Variants in SLC41A1 observed in about 807,000 individuals in gnomAD.
The protein encoded by SLC41A1 is solute carrier family 41 (magnesium transporter), member 1.
SLC41A1 carries 20 observed loss-of-function variants against 47.3 expected under a neutral mutation model. The ratio of observed to expected loss-of-function variants is 0.42; its 90% CI spans 0.30 to 0.61. The LOEUF is 0.61. Ranked by LOEUF, SLC41A1 falls within the 20% of genes least tolerant of loss-of-function variation. The pLI, the probability that SLC41A1 is intolerant of heterozygous loss-of-function variation, is 0.17. For synonymous variants in SLC41A1, 282 were observed against 272.7 expected, an observed-to-expected ratio of 1.03 and a Z score of -0.34; for missense variants, 504 against 674.1, an observed-to-expected ratio of 0.75 and a Z score of 2.79.
In SLC41A1 at chr1:205,810,014, A is replaced by G; in HGVS notation, c.372+56T>C. ...GTAGAGAGGAAGTTCCAAGTTTCCC[A>G]GCAGGCAAAGGTGGCCCTGGGCTCA... is the stretch of plus-strand genomic sequence containing the variant. On this transcript the variant is annotated intron_variant, in intron 2 of 10. Coordinates refer to ENST00000367137, the MANE Select transcript of SLC41A1 (RefSeq NM_173854.6). The surrounding 1 kb of genome is among the most constrained non-coding windows in gnomAD (Gnocchi z 5.5). 1 of 1,612,008 alleles carries G rather than the reference A, an allele frequency of 6.2e-7. No individual in the cohort carries two copies. The highest frequency in any genetic ancestry group is 8.5e-7 in the Non-Finnish European group (1 of 1,179,218).
intron 10 of SLC41A1, among the ~76,000 whole-genome samples, chr1:205,793,971 C>T (rs1274938987): frequency 2.0e-5 from 3 of 152,164 alleles, no homozygotes; most frequent in Non-Finnish European, 2.9e-5. Flanking sequence ...AACTATGTGA[C>T]TATTCAAAAA....
Position 205,796,989 on chromosome 1 carries a change from A to T in SLC41A1, c.1007T>A (p.Ile336Asn). 1 of 1,613,086 alleles carries T rather than the reference A, an allele frequency of 6.2e-7. No homozygotes were observed. Among genetic ancestry groups the T allele is most frequent in the Non-Finnish European group, 8.5e-7 (1 of 1,179,688 alleles). The change falls in exon 8 of 11, where the codon ATC becomes AAC. Residue 336 changes from isoleucine (I) to asparagine (N), a missense_variant. Physicochemically the swap from Ile to Asn is moderately radical, Grantham distance 149 (BLOSUM62 -3). Coordinates refer to ENST00000367137, the MANE Select transcript of SLC41A1 (RefSeq NM_173854.6). ...GGGGTCTGAGACAGTCTTGTCCAAGATGAGGCCTCCCACACTATAGAGACA... is the reference window on the plus strand; with the variant it reads ...GGGGTCTGAGACAGTCTTGTCCAAGTTGAGGCCTCCCACACTATAGAGACA... ...AMAISSVGGL[I>N]LDKTVSDPNF... is the part of the protein sequence containing the mutation.
In SLC41A1 at chr1:205,791,852, C is replaced by G; in HGVS notation, c.1357-134G>C. ...TCCTTACTTTTTAATCTTCCTCTTT[C>G]CACCCCAGCAACCTCTCTGTGTTTC... On this transcript the variant is annotated intron_variant, in intron 10 of 10. Coordinates refer to ENST00000367137, the MANE Select transcript of SLC41A1 (RefSeq NM_173854.6). The surrounding 1 kb of genome is among the most constrained non-coding windows in gnomAD (Gnocchi z 4.0). 5 of 1,139,188 alleles carry G rather than the reference C, an allele frequency of 4.4e-6. No homozygotes were observed. Among genetic ancestry groups the G allele is most frequent in the Non-Finnish European group, 6.4e-6 (5 of 779,002 alleles). The allele number at this position is 1,139,188 out of a possible 1,614,324, so 70.6% of individuals were successfully genotyped here. A position where few individuals can be genotyped will look rare whatever the true frequency, so the allele number is the denominator to read the frequency against.
At chr1:205,811,116 A>G (rs1656144043) in intron 1 of SLC41A1, 29 bp from the exon 2 acceptor site, 1 of 154,404 alleles carries the variant, frequency 6.5e-6, no homozygotes, top group African/African-American at 2.4e-5. Context: ...AGAAAAGAAA[A>G]AGAACATTAC....
chr1:205,798,097 C>A lies in SLC41A1; in HGVS notation c.845-46G>T, dbSNP rs767051789. The stretch of plus-strand genomic sequence containing the variant: ...AGGAGATAAGCACTGTGTTTCCCTA[C>A]CCTAAGTTTCTCCCTGGCTCAGCCT... On this transcript the variant is annotated intron_variant, in intron 6 of 10. Transcript: ENST00000367137. 2.5e-6 allele frequency: 4 copies of A among 1,613,606 alleles called. No homozygotes were observed. The South Asian group carries it at 4.4e-5, about 18-fold the overall frequency.
At position 205,810,013 on chromosome 1, in the gene SLC41A1, C is replaced by A. The variant is rs1656107994; in HGVS notation, c.372+57G>T. The A allele has an allele frequency of 3.1e-6, 5 of 1,611,654 alleles. No homozygotes were observed. In the East Asian group the frequency reaches 1.1e-4, roughly 36 times the overall value. ...GGTAGAGAGGAAGTTCCAAGTTTCC[C>A]AGCAGGCAAAGGTGGCCCTGGGCTC... is the stretch of plus-strand genomic sequence containing the variant. On this transcript the variant is annotated intron_variant, in intron 2 of 10. Coordinates refer to ENST00000367137, the MANE Select transcript of SLC41A1 (RefSeq NM_173854.6). This position sits in a 1 kb window ranked among gnomAD's most constrained non-coding sequence, Gnocchi z 5.5.
rs1655605728 is a variant in SLC41A1 at position 205,790,686 on chromosome 1, A to C, written c.*847T>G. The C allele has an allele frequency of 6.6e-6, 1 of 152,262 alleles. No individual in the cohort carries two copies. The highest frequency in any genetic ancestry group is 2.1e-4 in the South Asian group (1 of 4,826). 9.4% of individuals were successfully genotyped at this position (152,262 alleles called of 1,614,324 possible). A position where few individuals can be genotyped will look rare whatever the true frequency, so the allele number is the denominator to read the frequency against. ...AAGCTCTGGGGAAGGTAGTGCTTAG[A>C]GACAATTTGAGATGAAGGTTGAAGA... On this transcript the variant is annotated 3_prime_UTR_variant, in exon 11 of 11. Coordinates refer to ENST00000367137, the MANE Select transcript of SLC41A1 (RefSeq NM_173854.6).
chr1:205,799,881 A>C, intron 3 of SLC41A1, 51 bp from the exon 4 acceptor site: 1 of 1,522,304 alleles, frequency 6.6e-7, no homozygotes, highest in Non-Finnish European at 9.1e-7. Context: ...AAAGGCCTGA[A>C]GCTCCATCCA....
At chr1:205,802,448 G>A (rs1320767509) in intron 2 of SLC41A1, among the ~76,000 whole-genome samples, 3 of 152,270 alleles carry the variant, frequency 2.0e-5, no homozygotes, top group East Asian at 1.9e-4. Context: ...CGAGCGCAGC[G>A]GCTCACACCT....
chr1:205,806,869 CTTTTTA>C (rs1465743396), intron 2 of SLC41A1, among the ~76,000 whole-genome samples: 2 of 152,150 alleles, frequency 1.3e-5, no homozygotes, highest in East Asian at 1.9e-4. Flanking sequence ...TAAAATTCAA[CTTTTTA>C]TTTTTATTTT....
At chr1:205,808,660 G>T (rs553941460) in intron 2 of SLC41A1, among the ~76,000 whole-genome samples, 4 of 152,194 alleles carry the variant, frequency 2.6e-5, no homozygotes, top group Non-Finnish European at 5.9e-5. Context: ...CCGGCCCTAG[G>T]GGGAGGAGCA....
chr1:205,807,777 C>T (rs1408122436), intron 2 of SLC41A1, among the ~76,000 whole-genome samples: 1 of 150,918 alleles, frequency 6.6e-6, no homozygotes, highest in African/African-American at 2.4e-5. Flanking sequence ...CTATCTCAGC[C>T]TCTCAAAGTG....
At chr1:205,796,812 T>C (rs1227188396) in intron 8 of SLC41A1, 112 bp downstream of exon 8, 16 of 1,059,164 alleles carry the variant, frequency 1.5e-5, no homozygotes, top group Non-Finnish European at 2.3e-5. Flanking sequence ...CTGAGCTAGA[T>C]TCTCGTCTGC....
chr1:205,808,436 C>G (rs761810646), intron 2 of SLC41A1, among the ~76,000 whole-genome samples: 1 of 152,130 alleles, frequency 6.6e-6, no homozygotes, highest in Non-Finnish European at 1.5e-5. Flanking sequence ...TACCGAAGAG[C>G]CCCCCAAATG....
chr1:205,790,980 G>A lies in SLC41A1; in HGVS notation c.*553C>T, dbSNP rs1355947038. 1 of 173,966 alleles carries A rather than the reference G, an allele frequency of 5.7e-6. No individual in the cohort carries two copies. The highest frequency in any genetic ancestry group is 1.2e-5 in the Non-Finnish European group (1 of 80,572). The allele number at this position is 173,966 out of a possible 1,614,324, so 10.8% of individuals were successfully genotyped here. On this transcript the variant is annotated 3_prime_UTR_variant, in exon 11 of 11. Transcript: ENST00000367137. ...GAACGCTTAGGTCCAGAGGGCAAGA[G>A]AACAGAACTGGGATCACAGGGGCCT... is the stretch of plus-strand genomic sequence containing the variant.
At chr1:205,806,162 T>G (rs1571649456) in intron 2 of SLC41A1, among the ~76,000 whole-genome samples, 1 of 152,162 alleles carries the variant, frequency 6.6e-6, no homozygotes, top group Non-Finnish European at 1.5e-5. Context: ...GGATATACGG[T>G]GCAGGACAAA....
At position 205,810,399 on chromosome 1, in the gene SLC41A1, C is replaced by T. The variant is rs544260153; in HGVS notation, c.43G>A (p.Gly15Arg). ...PEPKDVHQLN[G>R]TGPSASPCSS... ...CAGGGAGAGGCAGAAGGGCCAGTCC[C>T]GTTCAGTTGGTGGACGTCCTTCGGC... The change falls in exon 2 of 11, where the codon GGG (glycine) becomes AGG (arginine). Residue 15 changes from glycine to arginine, a missense_variant. Physicochemically the swap from Gly to Arg is moderately radical, Grantham distance 125. Around this residue, in one of 2 missense-constraint regions of SLC41A1, gnomAD observed 83 missense variants for 72.5 expected, o/e 1.15. Coordinates refer to ENST00000367137, the MANE Select transcript of SLC41A1 (RefSeq NM_173854.6). This position sits in a 1 kb window ranked among gnomAD's most constrained non-coding sequence, Gnocchi z 5.5. 12 of 1,614,094 alleles carry T rather than the reference C, an allele frequency of 7.4e-6. No homozygotes were observed. The highest frequency in any genetic ancestry group is 2.2e-5 in the South Asian group (2 of 91,084).
Position 205,810,291 on chromosome 1 carries a change from T to A in SLC41A1, c.151A>T (p.Ile51Phe). ...GPDGAGVEVV[I>F]ESRANAKGVR... is the part of the protein sequence containing the mutation. ...CCCTTGGCGTTGGCCCGAGACTCAA[T>A]CACCACCTCTACCCCAGCCCCATCA... Residue 51 changes from isoleucine to phenylalanine, a missense_variant, in exon 2 of 11, where the codon ATT becomes TTT. Ile to Phe is a conservative substitution (Grantham distance 21). This residue lies in a region of SLC41A1 where 83 missense variants were observed against 72.5 expected (regional missense o/e 1.15). Transcript: ENST00000367137. This position sits in a 1 kb window ranked among gnomAD's most constrained non-coding sequence, Gnocchi z 5.5. 3 of 1,614,078 alleles carry A rather than the reference T, an allele frequency of 1.9e-6. No homozygotes were observed. The highest frequency in any genetic ancestry group is 2.5e-6 in the Non-Finnish European group (3 of 1,180,002).
chr1:205,813,085 G>GGCACCCGGACGGGGGA lies in SLC41A1; in HGVS notation c.-940_-925dup, dbSNP rs1553258349. On this transcript the variant is annotated 5_prime_UTR_variant, in exon 1 of 11. Coordinates refer to ENST00000367137, the MANE Select transcript of SLC41A1 (RefSeq NM_173854.6). ...TATATCGCTTCGGGCCCGGCGGGGG[G>GGCACCCGGACGGGGGA]GCACCCGGACGGGGGACCGGGGAGC... 1.0e-6 allele frequency: 1 copy of GGCACCCGGACGGGGGA among 985,416 alleles called. No individual in the cohort carries two copies. The highest frequency in any genetic ancestry group is 1.2e-6 in the Non-Finnish European group (1 of 830,008). The allele number at this position is 985,416 out of a possible 1,614,324, so 61.0% of individuals were successfully genotyped here. A position where few individuals can be genotyped will look rare whatever the true frequency, so the allele number is the denominator to read the frequency against.
Sources: gnomAD v4.1 joint callset for allele counts (sites outside exome capture counted in the v4.1 genomes callset) on GRCh38, gnomAD v4.1.1 for gene constraint, gnomAD v4.1.1 regional missense constraint, Gnocchi (gnomAD v3.1) non-coding constraint, MANE v1.5 for transcripts, NCBI Gene and HGNC (gene_info 2026-07-23, HGNC 2026-07-21) for gene names.